Variants in MPDZ observed in about 807,000 individuals in gnomAD.
The protein encoded by MPDZ is multiple PDZ domain crumbs cell polarity complex component, also known as multiple PDZ domain protein.
MPDZ carries 234 observed loss-of-function variants against 239.1 expected under a neutral mutation model. The ratio of observed to expected loss-of-function variants is 0.98; its 90% CI spans 0.88 to 1.09. The LOEUF (loss-of-function observed/expected upper bound fraction) is 1.09, where lower values mean the gene tolerates loss of function less well. MPDZ is among the 50% of genes least tolerant of loss of function. The pLI, the probability that MPDZ is intolerant of heterozygous loss-of-function variation, is 0.00. For synonymous variants in MPDZ, 1,048 were observed against 881.3 expected, an observed-to-expected ratio of 1.19 and a Z score of -3.35; for missense variants, 3,175 against 2,510.0, an observed-to-expected ratio of 1.26 and a Z score of -5.66.
At chr9:13,253,923 T>C (rs1359565927) in intron 1 of MPDZ, among the ~76,000 whole-genome samples, 1 of 152,186 alleles carries the variant, frequency 6.6e-6, no homozygotes, top group African/African-American at 2.4e-5. Flanking sequence ...ACTCACTTTA[T>C]AACAAGGAAA....
chr9:13,164,269 T>C lies in MPDZ; in HGVS notation c.3255-1474A>G, dbSNP rs182290523. 3.7e-3 allele frequency among the ~76,000 whole-genome samples: 571 copies of C among 152,328 alleles called. 2 individuals are homozygous for C. The highest frequency in any genetic ancestry group is 0.013 in the African/African-American group (525 of 41,590). On this transcript the variant is annotated intron_variant, in intron 22 of 46. Coordinates refer to ENST00000319217, the MANE Select transcript of MPDZ (RefSeq NM_001378778.1). The stretch of plus-strand genomic sequence containing the variant: ...TCCAATTCTGGCCCTATTTAATTTA[T>C]TCATCTATAAAGACATCTTCTCTAT...
intron 3 of MPDZ, among the ~76,000 whole-genome samples, chr9:13,245,092 T>A (rs901459679): frequency 4.6e-5 from 7 of 152,054 alleles, no homozygotes; most frequent in African/African-American, 1.7e-4. Context: ...GCCACTGGTT[T>A]AAAAGAATAA....
At position 13,168,495 on chromosome 9, in the gene MPDZ, A is replaced by G; in HGVS notation, c.3125T>C (p.Ile1042Thr). 2 of 1,613,528 alleles carry G rather than the reference A, an allele frequency of 1.2e-6. No homozygotes were observed. The highest frequency in any genetic ancestry group is 1.7e-6 in the Non-Finnish European group (2 of 1,179,592). Residue 1042 changes from isoleucine (I) to threonine (T), a missense_variant, in exon 22 of 47, where the codon ATT becomes ACT. By Grantham distance (89) the Ile-to-Thr change is moderately conservative. Coordinates refer to ENST00000319217, the MANE Select transcript of MPDZ (RefSeq NM_001378778.1). ...IVRSIIHGGAISRDGRIAIGD... is the reference protein window; with the variant it reads ...IVRSIIHGGATSRDGRIAIGD... The stretch of plus-strand genomic sequence containing the variant: ...AATGGCAATCCGGCCATCTCGACTA[A>G]TGGCACCTCCATGAATAATGCTTCG...
chr9:13,188,196 T>G (rs1954393472), intron 17 of MPDZ, among the ~76,000 whole-genome samples: 1 of 152,166 alleles, frequency 6.6e-6, no homozygotes, highest in Non-Finnish European at 1.5e-5. Context: ...TATTTGATTT[T>G]GCATTAATCA....
chr9:13,139,766 T>C lies in MPDZ; in HGVS notation c.4003+221A>G, dbSNP rs910598775. 7.4e-6 allele frequency: 4 copies of C among 544,072 alleles called. No homozygotes were observed. In the African/African-American group the frequency reaches 7.6e-5, roughly 10 times the overall value. 33.7% of individuals were successfully genotyped at this position (544,072 alleles called of 1,614,324 possible). ...ATTAATTCTCATACAAAAGGCAGAG[T>C]GAGCTTTAACAGCACTTTTAAAGGA... On this transcript the variant is annotated intron_variant, in intron 28 of 46. Coordinates refer to ENST00000319217, the MANE Select transcript of MPDZ (RefSeq NM_001378778.1).
At chr9:13,162,863 C>G in intron 22 of MPDZ, 68 bp from the exon 23 acceptor site, 2 of 1,069,486 alleles carry the variant, frequency 1.9e-6, no homozygotes, top group South Asian at 2.8e-5. Flanking sequence ...GGAAAAGCTT[C>G]TAAAATAAAG....
Position 13,236,265 on chromosome 9 carries a change from ATATTTTTTTTTTT to A in MPDZ, c.183+11357_183+11369del, listed in dbSNP as rs1367506175. On this transcript the variant is annotated intron_variant, in intron 3 of 46. Transcript: ENST00000319217. ...TGTGTGTGTGTATATATATATATATATATTTTTTTTTTTTTTTTTTTTTTTTTTTGAGACAGAG... is the reference window on the plus strand; with the variant it reads ...TGTGTGTGTGTATATATATATATATATTTTTTTTTTTTTTTTGAGACAGAG... Among the ~76,000 whole-genome samples the A allele has an allele frequency of 2.6e-3, 24 of 9,206 alleles. 7 individuals are homozygous for A. Among genetic ancestry groups the A allele is most frequent in the Non-Finnish European group, 5.8e-3 (20 of 3,422 alleles). 6.0% of individuals were successfully genotyped at this position (9,206 alleles called of 152,430 possible).
At chr9:13,131,102 G>T (rs1014510210) in intron 32 of MPDZ, among the ~76,000 whole-genome samples, 2 of 152,024 alleles carry the variant, frequency 1.3e-5, no homozygotes, top group Non-Finnish European at 2.9e-5. Flanking sequence ...AAATATATAG[G>T]ATAGTAAAAA....
At chr9:13,136,941 C>T (rs925639351) in intron 29 of MPDZ, 138 bp from the exon 30 acceptor site, 1 of 459,760 alleles carries the variant, frequency 2.2e-6, no homozygotes, top group Non-Finnish European at 3.7e-6. Flanking sequence ...TTTTCCTCCC[C>T]AAAACATGAA....
At chr9:13,244,551 G>T (rs1027490247) in intron 3 of MPDZ, among the ~76,000 whole-genome samples, 2 of 152,108 alleles carry the variant, frequency 1.3e-5, no homozygotes, top group African/African-American at 4.8e-5. Context: ...ACACAATGTG[G>T]CAGAGTTAAA....
At chr9:13,125,457 C>A in intron 34 of MPDZ, 67 bp from the exon 35 acceptor site, 1 of 1,385,954 alleles carries the variant, frequency 7.2e-7, no homozygotes, top group South Asian at 1.3e-5. Flanking sequence ...ACCAATGAGT[C>A]ACCATTATCA....
intron 35 of MPDZ, among the ~76,000 whole-genome samples, chr9:13,124,158 AT>A (rs1439738973): frequency 2.0e-5 from 3 of 152,184 alleles, no homozygotes; most frequent in Admixed American, 1.3e-4. Context: ...TGCTCCTTAA[AT>A]GGTAAGAACA....
intron 39 of MPDZ, among the ~76,000 whole-genome samples, chr9:13,117,210 A>T (rs1179725614): frequency 6.6e-6 from 1 of 152,170 alleles, no homozygotes; most frequent in South Asian, 2.1e-4. Flanking sequence ...GGGCAACTGA[A>T]ACCACAGGAA....
intron 31 of MPDZ, chr9:13,134,627 C>T (rs546949191): frequency 1.3e-5 from 2 of 152,284 alleles, no homozygotes; most frequent in African/African-American, 4.8e-5. Context: ...TTTTATTCAT[C>T]ATACACATGT....
chr9:13,222,231 A>C lies in MPDZ; in HGVS notation c.747+2T>G, dbSNP rs1335794916. On this transcript the variant is annotated splice_donor_variant, in intron 6 of 46. Coordinates refer to ENST00000319217, the MANE Select transcript of MPDZ (RefSeq NM_001378778.1). LOFTEE classifies it high-confidence loss of function. ...TTCCTTTTGAAAATTTTAGGTACTC[A>C]CCGGATTAGAGTGAGCTGAAATTGT... 6.2e-7 allele frequency: 1 copy of C among 1,608,690 alleles called. No individual in the cohort carries two copies. The highest frequency in any genetic ancestry group is 1.7e-5 in the Admixed American group (1 of 59,322).
Position 13,154,630 on chromosome 9 carries a change from A to T in MPDZ, c.3452+3388T>A, listed in dbSNP as rs188503213. Among the ~76,000 whole-genome samples, 92 of 152,278 alleles carry T rather than the reference A, an allele frequency of 6.0e-4. 1 individual carries two copies. The highest frequency in any genetic ancestry group is 6.0e-3 in the Admixed American group (91 of 15,280). On this transcript the variant is annotated intron_variant, in intron 24 of 46. Transcript: ENST00000319217. ...CAAAAGCTTTGGCACATAATAAGCA[A>T]TTGATAAATCTTTTATTACTAGTTA...
chr9:13,142,069 A>T (rs1365025119), intron 27 of MPDZ, among the ~76,000 whole-genome samples: 1 of 152,176 alleles, frequency 6.6e-6, no homozygotes, highest in Non-Finnish European at 1.5e-5. Context: ...TGGCTAAAAA[A>T]AATTTACTTC....
chr9:13,152,885 C>G (rs901851922), intron 24 of MPDZ, among the ~76,000 whole-genome samples: 3 of 152,048 alleles, frequency 2.0e-5, no homozygotes, highest in East Asian at 3.9e-4. Flanking sequence ...TGTGAAAAAG[C>G]AGGATGTAAG....
At chr9:13,148,498 CATT>C (rs1948724322) in intron 25 of MPDZ, among the ~76,000 whole-genome samples, 1 of 151,950 alleles carries the variant, frequency 6.6e-6, no homozygotes, top group Non-Finnish European at 1.5e-5. Context: ...TTGCATAGAA[CATT>C]ATTATCTTTA....
Sources: allele counts gnomAD v4.1 joint callset (sites outside exome capture counted in the v4.1 genomes callset), GRCh38; gene constraint gnomAD v4.1.1; transcripts MANE v1.5; gene names NCBI Gene and HGNC (gene_info 2026-07-23, HGNC 2026-07-21).